Variants in ZPLD1 observed in about 807,000 individuals in gnomAD.
ZPLD1 encodes zona pellucida-like domain-containing protein 1.
In ZPLD1, 34 loss-of-function variants were observed where a neutral mutation model predicts 47.2. That is an observed-to-expected ratio of 0.72 (90% confidence interval 0.55 to 0.96). ZPLD1 has a LOEUF of 0.96. ZPLD1 is among the 40% of genes least tolerant of loss of function. The pLI, the probability that ZPLD1 is intolerant of heterozygous loss-of-function variation, is 0.00. For synonymous variants in ZPLD1, 176 were observed against 186.2 expected (o/e 0.95, Z 0.45); for missense variants, 512 against 505.8 (o/e 1.01, Z -0.12).
At position 102,452,293 on chromosome 3, in the gene ZPLD1, G is replaced by C. The variant is rs558526377; in HGVS notation, c.107-626G>C. On this transcript the variant is annotated intron_variant, in intron 3 of 11. Transcript: ENST00000466937. Reference sequence around the variant, plus strand: ...TTTTACTGAGGCATGCATAGTCATTGGCAAAATTTTCCTACAGTGAGCTGT... The same window carrying C: ...TTTTACTGAGGCATGCATAGTCATTCGCAAAATTTTCCTACAGTGAGCTGT... Among the ~76,000 whole-genome samples, 5 of 150,350 alleles carry C rather than the reference G, an allele frequency of 3.3e-5. No individual in the cohort carries two copies. The South Asian group carries it at 1.1e-3, about 32-fold the overall frequency.
At chr3:102,401,774 T>C (rs1706622547) in intron 7 of ZPLD1, among the ~76,000 whole-genome samples, 1 of 152,094 alleles carries the variant, frequency 6.6e-6, no homozygotes, top group South Asian at 2.1e-4. Context: ...ATAGCCCCTT[T>C]GTTGAAGAGT....
At chr3:102,447,098 G>A (rs528137562) in intron 3 of ZPLD1, among the ~76,000 whole-genome samples, 35 of 151,912 alleles carry the variant, frequency 2.3e-4, no homozygotes, top group African/African-American at 7.0e-4. Flanking sequence ...ACAGAGTCTC[G>A]CTCTGTCGCC....
chr3:102,396,426 C>T (rs1360982484), intron 7 of ZPLD1, among the ~76,000 whole-genome samples: 2 of 152,076 alleles, frequency 1.3e-5, no homozygotes, highest in African/African-American at 2.4e-5. Flanking sequence ...TGAACAAACA[C>T]CTTTCACGCA....
At position 102,477,558 on chromosome 3, in the gene ZPLD1, G is replaced by A; in HGVS notation, c.1188G>A (p.Leu396=). Residue 396 remains leucine, a synonymous_variant, in exon 12 of 12, where the codon CTG becomes CTA. Transcript: ENST00000466937. The stretch of plus-strand genomic sequence containing the variant: ...TTCTTCTGTGCTCACTGGCCCTTCT[G>A]CACAGGAAGGGACCCACAAGTTTAG... The part of the protein sequence containing the change: ...FSLLLCSLAL[L]HRKGPTSLVL... 1 of 1,613,706 alleles carries A rather than the reference G, an allele frequency of 6.2e-7. No homozygotes were observed. Among genetic ancestry groups the A allele is most frequent in the Non-Finnish European group, 8.5e-7 (1 of 1,179,734 alleles).
At chr3:102,441,065 G>A (rs1707169348) in intron 3 of ZPLD1, among the ~76,000 whole-genome samples, 1 of 152,150 alleles carries the variant, frequency 6.6e-6, no homozygotes. Flanking sequence ...TGTAGTGGGA[G>A]GCAGTGGCTC....
chr3:102,419,654 GA>G (rs1706853154), intron 8 of ZPLD1, among the ~76,000 whole-genome samples: 1 of 150,784 alleles, frequency 6.6e-6, no homozygotes, highest in Non-Finnish European at 1.5e-5. Context: ...TTTTTGCAAG[GA>G]ATCTCTTTCT....
Position 102,458,703 on chromosome 3 carries a change from T to C in ZPLD1, c.582+850T>C, listed in dbSNP as rs141055640. Reference sequence around the variant, plus strand: ...CATTTAAAAAAATCATGTTTATAAGTTTGTAGTCTGACACCACAGAGTTCT... The same window carrying C: ...CATTTAAAAAAATCATGTTTATAAGCTTGTAGTCTGACACCACAGAGTTCT... On this transcript the variant is annotated intron_variant, in intron 6 of 11. Coordinates refer to ENST00000466937, the MANE Select transcript of ZPLD1 (RefSeq NM_001329788.2). 2.6e-4 allele frequency among the ~76,000 whole-genome samples: 40 copies of C among 152,278 alleles called. No homozygotes were observed. The East Asian group carries it at 6.9e-3, about 26-fold the overall frequency.
At chr3:102,390,766 C>T (rs769970583) in intron 6 of ZPLD1, among the ~76,000 whole-genome samples, 7 of 152,172 alleles carry the variant, frequency 4.6e-5, no homozygotes, top group African/African-American at 9.7e-5. Flanking sequence ...CCTTGCCACA[C>T]GTTGCTTAAC....
intron 7 of ZPLD1, among the ~76,000 whole-genome samples, chr3:102,396,098 A>G (rs1706554210): frequency 6.6e-6 from 1 of 152,134 alleles, no homozygotes. Flanking sequence ...TGGAAGTTTA[A>G]TAGTTTCTCT....
intron 7 of ZPLD1, among the ~76,000 whole-genome samples, chr3:102,394,244 G>T (rs747207324): frequency 2.0e-5 from 3 of 152,162 alleles, no homozygotes; most frequent in Non-Finnish European, 4.4e-5. Context: ...AATAACTAAT[G>T]TAAGACATGA....
At chr3:102,418,649 C>T (rs1706840178) in intron 8 of ZPLD1, among the ~76,000 whole-genome samples, 1 of 151,928 alleles carries the variant, frequency 6.6e-6, no homozygotes, top group African/African-American at 2.4e-5. Context: ...ACAGATGCTT[C>T]ATGAATGGAA....
rs181651485 is a variant in ZPLD1 at position 102,478,494 on chromosome 3, G to C, written c.*876G>C. 5.7e-5 allele frequency: 1 copy of C among 17,454 alleles called. No individual in the cohort carries two copies. The highest frequency in any genetic ancestry group is 8.4e-5 in the African/African-American group (1 of 11,932). The allele number at this position is 17,454 out of a possible 1,614,324, so 1.1% of individuals were successfully genotyped here. A position where few individuals can be genotyped will look rare whatever the true frequency, so the allele number is the denominator to read the frequency against. On this transcript the variant is annotated 3_prime_UTR_variant, in exon 12 of 12. Transcript: ENST00000466937. ...TAGTTGTGAAAAGAGTTCCTAGAAG[G>C]GTTTTTAACAATTTAGATTCCCTTT...
In ZPLD1 at chr3:102,478,933, G is replaced by T. The variant is rs942462978; in HGVS notation, c.*1315G>T. The stretch of plus-strand genomic sequence containing the variant: ...TCACTAATTTCTATTCAACATTTGT[G>T]ACCCATTAGTCCGGACTTAATTTAC... On this transcript the variant is annotated 3_prime_UTR_variant, in exon 12 of 12. Transcript: ENST00000466937. 1 of 152,114 alleles carries T rather than the reference G, an allele frequency of 6.6e-6. No homozygotes were observed. The highest frequency in any genetic ancestry group is 1.5e-5 in the Non-Finnish European group (1 of 68,012). The allele number at this position is 152,114 out of a possible 1,614,324, so 9.4% of individuals were successfully genotyped here.
At chr3:102,456,411 A>G (rs780989326) in intron 5 of ZPLD1, 37 bp downstream of exon 5, 3 of 1,585,818 alleles carry the variant, frequency 1.9e-6, no homozygotes, top group Non-Finnish European at 1.7e-6. Context: ...CTCATATTGC[A>G]TTTTTGCTTC....
At chr3:102,388,000 A>G in intron 6 of ZPLD1, among the ~76,000 whole-genome samples, 1 of 151,794 alleles carries the variant, frequency 6.6e-6, no homozygotes, top group Non-Finnish European at 1.5e-5. Flanking sequence ...AGCTGGAACT[A>G]CAGGCGCCCG....
intron 4 of ZPLD1, among the ~76,000 whole-genome samples, chr3:102,455,213 T>C (rs796997201): frequency 9.2e-5 from 14 of 152,378 alleles, no homozygotes; most frequent in African/African-American, 3.1e-4. Context: ...CTTAGTAATA[T>C]AGTAGTATCT....
intron 7 of ZPLD1, among the ~76,000 whole-genome samples, chr3:102,403,189 T>C (rs891197615): frequency 2.4e-4 from 37 of 152,068 alleles, no homozygotes; most frequent in African/African-American, 8.4e-4. Context: ...ATGGGATTTA[T>C]ATTTACTATT....
rs751896109 is a variant in ZPLD1, at chr3:102,453,003, C to T, written c.191C>T (p.Ser64Leu). Residue 64 changes from serine to leucine, a missense_variant, in exon 4 of 12, where the codon TCG (serine) becomes TTG (leucine). Ser to Leu is a moderately radical substitution (Grantham distance 145). Transcript: ENST00000466937. ...TGCACGGTACTTTTCTCGGGTTATT[C>T]GGAAACAGATCTGGCACTGAATGGA... ...NFCTVLFSGY[S>L]ETDLALNGRH... 7.4e-6 allele frequency: 12 copies of T among 1,614,040 alleles called. No individual in the cohort carries two copies. Among genetic ancestry groups the T allele is most frequent in the South Asian group, 6.6e-5 (6 of 91,074 alleles).
At chr3:102,432,749 T>C (rs138647077), upstream of ZPLD1, among the ~76,000 whole-genome samples, 221 of 152,212 alleles carry the variant, frequency 1.5e-3, 1 homozygote, top group African/African-American at 4.9e-3. Flanking sequence ...CAAAGAGTAA[T>C]TTGTGCACTA....
Sources: allele counts gnomAD v4.1 joint callset (sites outside exome capture counted in the v4.1 genomes callset), GRCh38; gene constraint gnomAD v4.1.1; transcripts MANE v1.5; gene names NCBI Gene and HGNC (gene_info 2026-07-23, HGNC 2026-07-21).